Variants in KIF21A observed in about 807,000 individuals in gnomAD.
The protein encoded by KIF21A is kinesin family member 21A, also known as kinesin-like protein KIF21A.
KIF21A carries 114 observed loss-of-function variants against 202.9 expected under a neutral mutation model. That is an observed-to-expected ratio of 0.56 (90% CI 0.48 to 0.66). KIF21A has a LOEUF of 0.66. Ranked by LOEUF, KIF21A falls within the 30% of genes least tolerant of loss-of-function variation. The pLI is 0.00. For synonymous variants in KIF21A, 667 were observed against 670.8 expected (o/e 0.99, Z 0.09); for missense variants, 1,677 against 1,994.9 (o/e 0.84, Z 3.04).
intron 6 of KIF21A, among the ~76,000 whole-genome samples, chr12:39,364,208 C>T (rs1179035356): frequency 6.6e-6 from 1 of 152,060 alleles, no homozygotes; most frequent in Admixed American, 6.6e-5. Context: ...ACATCTATAA[C>T]CATGACTTTG....
intron 10 of KIF21A, among the ~76,000 whole-genome samples, chr12:39,353,044 A>G (rs886490558): frequency 6.6e-5 from 10 of 152,136 alleles, no homozygotes; most frequent in Non-Finnish European, 1.3e-4. Context: ...AACACAACCT[A>G]TCTCTCTCTC....
intron 1 of KIF21A, among the ~76,000 whole-genome samples, chr12:39,402,638 A>G (rs1214007914): frequency 6.6e-6 from 1 of 152,214 alleles, no homozygotes; most frequent in Non-Finnish European, 1.5e-5. Context: ...AACATACATT[A>G]TATCAAACTT....
chr12:39,434,657 C>T (rs185194665), intron 1 of KIF21A, among the ~76,000 whole-genome samples: 4 of 152,210 alleles, frequency 2.6e-5, no homozygotes, highest in Non-Finnish European at 4.4e-5. Flanking sequence ...TACTTTAATG[C>T]CTCCAGCTTA....
intron 1 of KIF21A, among the ~76,000 whole-genome samples, chr12:39,415,230 C>CTTT (rs1161997461): frequency 1.6e-4 from 9 of 55,432 alleles, no homozygotes; most frequent in Admixed American, 4.0e-4. Context: ...GTAGAGAATG[C>CTTT]TTTTTTTTTT....
intron 11 of KIF21A, among the ~76,000 whole-genome samples, chr12:39,348,675 T>C (rs549925958): frequency 2.0e-4 from 30 of 151,596 alleles, no homozygotes; most frequent in African/African-American, 7.3e-4. Context: ...GTGAATTCAG[T>C]GACAAGGAAA....
At chr12:39,364,116 G>GT (rs1245466352) in intron 6 of KIF21A, among the ~76,000 whole-genome samples, 1 of 152,160 alleles carries the variant, frequency 6.6e-6, no homozygotes, top group Non-Finnish European at 1.5e-5. Context: ...CCACCCTGCT[G>GT]TTTTTCCTAC....
At chr12:39,311,864 G>A (rs1944065436) in intron 31 of KIF21A, 1 of 316,336 alleles carries the variant, frequency 3.2e-6, no homozygotes, top group East Asian at 6.9e-5. Context: ...AATTATTTGA[G>A]TGTACTGAAT....
At chr12:39,336,851 T>C (rs1235611393) in intron 17 of KIF21A, among the ~76,000 whole-genome samples, 1 of 152,204 alleles carries the variant, frequency 6.6e-6, no homozygotes, top group Admixed American at 6.5e-5. Context: ...TTTACTTCTA[T>C]GTCATCATCT....
intron 35 of KIF21A, 85 bp from the exon 36 acceptor site, chr12:39,303,220 T>C (rs1943134942): frequency 1.8e-6 from 2 of 1,104,078 alleles, no homozygotes; most frequent in African/African-American, 1.5e-5. Flanking sequence ...CACATACACA[T>C]GTATGTTAAT....
chr12:39,366,973 A>T, intron 5 of KIF21A, 57 bp downstream of exon 5: 2 of 1,465,818 alleles, frequency 1.4e-6, no homozygotes, highest in Non-Finnish European at 9.6e-7. Flanking sequence ...CAGAGAATTC[A>T]TGTGGTTTTA....
At position 39,367,927 on chromosome 12, in the gene KIF21A, AAATTCCTCCAGTTG is replaced by A. The variant is rs1156530047; in HGVS notation, c.542_555del (p.Ser181LeufsTer61). ...GTACGTGTTGTAACGCCCACAGTAT[AAATTCCTCCAGTTG>A]AATCTTCATGAATTCTTATATTTGA... is the stretch of plus-strand genomic sequence containing the variant. On this transcript the variant is annotated frameshift_variant, in exon 4 of 38. Transcript: ENST00000361418. LOFTEE classifies it high-confidence loss of function. 6.2e-7 allele frequency: 1 copy of A among 1,609,174 alleles called. No individual in the cohort carries two copies. The highest frequency in any genetic ancestry group is 8.5e-7 in the Non-Finnish European group (1 of 1,175,934).
At chr12:39,387,354 G>A (rs772819950) in intron 1 of KIF21A, among the ~76,000 whole-genome samples, 4 of 152,050 alleles carry the variant, frequency 2.6e-5, no homozygotes, top group Non-Finnish European at 5.9e-5. Context: ...TGGCCATGGA[G>A]AACAACAGAC....
chr12:39,325,739 T>C, intron 26 of KIF21A, 100 bp downstream of exon 26: 1 of 837,784 alleles, frequency 1.2e-6, no homozygotes, highest in Non-Finnish European at 2.1e-6. Context: ...CCATGCCCTC[T>C]TGCTAATCTA....
intron 26 of KIF21A, among the ~76,000 whole-genome samples, chr12:39,325,376 G>A (rs1945755896): frequency 1.3e-5 from 2 of 149,860 alleles, no homozygotes; most frequent in South Asian, 4.2e-4. Context: ...CCGTCGCCCA[G>A]GCTGGAGTGC....
intron 1 of KIF21A, among the ~76,000 whole-genome samples, chr12:39,385,825 T>G (rs73086885): frequency 0.13 from 19,717 of 152,144 alleles, 1,368 homozygotes; most frequent in African/African-American, 0.18. Context: ...TCAAATGTAA[T>G]GCACATAAGC....
At chr12:39,398,846 G>T (rs1951952160) in intron 1 of KIF21A, among the ~76,000 whole-genome samples, 1 of 151,688 alleles carries the variant, frequency 6.6e-6, no homozygotes, top group African/African-American at 2.4e-5. Context: ...CCACATCTGT[G>T]GATTCAACCA....
At chr12:39,371,496 T>C (rs1949953362) in intron 1 of KIF21A, among the ~76,000 whole-genome samples, 1 of 152,194 alleles carries the variant, frequency 6.6e-6, no homozygotes, top group Non-Finnish European at 1.5e-5. Context: ...AACCAAAATC[T>C]AGTCCTATTC....
chr12:39,337,307 A>G (rs1947064735), intron 16 of KIF21A, 104 bp from the exon 17 acceptor site: 1 of 758,710 alleles, frequency 1.3e-6, no homozygotes. Context: ...AATACTTAAC[A>G]TGGAAACATG....
rs149602555 is a variant in KIF21A at position 39,332,312 on chromosome 12, T to C, written c.2953A>G (p.Ile985Val). The C allele has an allele frequency of 1.4e-5, 22 of 1,613,308 alleles. No individual in the cohort carries two copies. The highest frequency in any genetic ancestry group is 3.3e-5 in the Admixed American group (2 of 59,982). ...GTCAGTGACTCCATCTCTTCATTGATATTAGCCACATTTTTATCTCCCTCT... is the reference window on the plus strand; with the variant it reads ...GTCAGTGACTCCATCTCTTCATTGACATTAGCCACATTTTTATCTCCCTCT... ...NGEGDKNVAN[I>V]NEEMESLTAN... The change falls in exon 21 of 38, where the codon ATC (isoleucine) becomes GTC (valine). Residue 985 changes from isoleucine (I) to valine (V), a missense_variant. By Grantham distance (29) the Ile-to-Val change is conservative. Around this residue, in one of 3 missense-constraint regions of KIF21A, gnomAD observed 966 missense variants for 1,180.9 expected, o/e 0.82. Coordinates refer to ENST00000361418, the MANE Select transcript of KIF21A (RefSeq NM_001173464.2).
Sources: gnomAD v4.1 joint callset for allele counts (sites outside exome capture counted in the v4.1 genomes callset) on GRCh38, gnomAD v4.1.1 for gene constraint, gnomAD v4.1.1 regional missense constraint, MANE v1.5 for transcripts, NCBI Gene and HGNC (gene_info 2026-07-23, HGNC 2026-07-21) for gene names.